Variants in TENM1 observed in about 807,000 individuals in gnomAD.
TENM1 encodes teneurin-1.
A neutral mutation model predicts 174.8 loss-of-function variants in TENM1; 35 were observed. That is an observed-to-expected ratio of 0.20 (90% confidence interval 0.15 to 0.27). The LOEUF is 0.27. TENM1 is among the 10% of genes least tolerant of loss of function. TENM1 has a pLI of 1.00. For synonymous variants in TENM1, 781 were observed against 798.7 expected, an observed-to-expected ratio of 0.98 and a Z score of 0.37; for missense variants, 1,633 against 2,130.1, an observed-to-expected ratio of 0.77 and a Z score of 4.59.
At chrX:125,102,247 T>C in the TENM1 span, among the ~76,000 whole-genome samples, 2 of 104,897 alleles carry the variant, frequency 1.9e-5, no homozygotes, top group Non-Finnish European at 3.9e-5. Flanking sequence ...TTTTTTTTTT[T>C]CCAGGAACAA....
chrX:124,753,845 G>A (rs1485460714), intron 3 of TENM1, among the ~76,000 whole-genome samples: 1 of 111,655 alleles, frequency 9.0e-6, no homozygotes, highest in Non-Finnish European at 1.9e-5. Flanking sequence ...AAGCCCACTT[G>A]ATCATGGTGG....
chrX:124,998,131 C>T, the TENM1 span, among the ~76,000 whole-genome samples: 1 of 107,809 alleles, frequency 9.3e-6, no homozygotes, highest in Admixed American at 1.0e-4. Context: ...AGGATTTCCC[C>T]TAAGTGTCTC....
At chrX:124,913,683 C>A (rs750916445) in intron 1 of TENM1, among the ~76,000 whole-genome samples, 2 of 111,726 alleles carry the variant, frequency 1.8e-5, no homozygotes, top group African/African-American at 6.5e-5. Context: ...ATAAAGACAA[C>A]AAAATTATGA....
chrX:124,409,502 T>C (rs1439410782), intron 25 of TENM1, among the ~76,000 whole-genome samples: 1 of 107,232 alleles, frequency 9.3e-6, no homozygotes, highest in East Asian at 2.9e-4. Context: ...CTATTCAACA[T>C]AGTGTTGGAA....
the TENM1 span, among the ~76,000 whole-genome samples, chrX:125,064,200 C>T: frequency 5.5e-5 from 6 of 110,045 alleles, no homozygotes; most frequent in Non-Finnish European, 1.1e-4. Context: ...AGGAGATACA[C>T]CTAATGTTAA....
At chrX:124,452,367 C>A (rs768285353) in intron 23 of TENM1, among the ~76,000 whole-genome samples, 4 of 111,907 alleles carry the variant, frequency 3.6e-5, no homozygotes, top group East Asian at 2.8e-4. Context: ...AAAGTCAGGA[C>A]ACAACAGGTG....
At chrX:125,048,684 G>T in the TENM1 span, among the ~76,000 whole-genome samples, 1 of 110,979 alleles carries the variant, frequency 9.0e-6, no homozygotes, top group Non-Finnish European at 1.9e-5. Flanking sequence ...GGTGATGGTT[G>T]CCAGTATCTA....
the TENM1 span, among the ~76,000 whole-genome samples, chrX:125,121,282 T>C: frequency 0.18 from 20,146 of 110,457 alleles, 1,474 homozygotes; most frequent in Admixed American, 0.32. Context: ...GGAACGAGGT[T>C]GGGATAAGGC....
chrX:124,509,601 C>T (rs923878722), intron 18 of TENM1, among the ~76,000 whole-genome samples: 13 of 110,651 alleles, frequency 1.2e-4, no homozygotes, highest in African/African-American at 4.3e-4. Context: ...AGCTGCTCTA[C>T]GTGCCAGGCA....
intron 3 of TENM1, among the ~76,000 whole-genome samples, chrX:124,758,279 T>C (rs1268519669): frequency 1.8e-5 from 2 of 112,059 alleles, no homozygotes; most frequent in Non-Finnish European, 1.9e-5. Context: ...AGAAGGTATA[T>C]GAAAAGATAC....
intron 14 of TENM1, 86 bp from the exon 18 acceptor site, chrX:124,547,176 T>A: frequency 1.4e-6 from 1 of 726,551 alleles, no homozygotes. Context: ...GAGAAAATTC[T>A]AAAATATAGC....
chrX:124,499,022 C>G (rs1396837476), intron 19 of TENM1, among the ~76,000 whole-genome samples: 1 of 111,786 alleles, frequency 8.9e-6, no homozygotes, highest in Non-Finnish European at 1.9e-5. Flanking sequence ...TGCTAAATAG[C>G]TCAAGTCAGC....
rs767370043 is a variant in TENM1, at chrX:124,910,952, C to A, written c.218-14711G>T. Among the ~76,000 whole-genome samples the A allele has an allele frequency of 3.7e-5, 4 of 108,655 alleles. No homozygotes were observed. The East Asian group carries it at 1.2e-3, about 31-fold the overall frequency. The allele number at this position is 108,655 out of a possible 115,157, so 94.4% of individuals were successfully genotyped here. A position where few individuals can be genotyped will look rare whatever the true frequency, so the allele number is the denominator to read the frequency against. ...TTTTTGAGACAGGGTCTTGCTCTGT[C>A]ACCCAGGCTTTGGAGTGCAGTGGTG... On this transcript the variant is annotated intron_variant, in intron 1 of 31. Coordinates refer to ENST00000422452, the Ensembl canonical transcript of TENM1.
the TENM1 span, among the ~76,000 whole-genome samples, chrX:125,020,103 G>A: frequency 9.0e-6 from 1 of 110,744 alleles, no homozygotes; most frequent in Non-Finnish European, 1.9e-5. Flanking sequence ...TCCTCAGGAA[G>A]GCCTTCTCCA....
chrX:124,894,731 C>T (rs1361121877), intron 2 of TENM1, among the ~76,000 whole-genome samples: 1 of 111,235 alleles, frequency 9.0e-6, no homozygotes, highest in Non-Finnish European at 1.9e-5. Context: ...TAAGAGATCA[C>T]CTACCACCCC....
chrX:124,944,237 C>T (rs1424638969), intron 1 of TENM1, among the ~76,000 whole-genome samples: 1 of 110,317 alleles, frequency 9.1e-6, no homozygotes, highest in Non-Finnish European at 1.9e-5. Flanking sequence ...TAGGGTTTAC[C>T]AGCTAATTTT....
At chrX:124,623,018 G>C (rs1021159957) in intron 11 of TENM1, among the ~76,000 whole-genome samples, 1 of 111,618 alleles carries the variant, frequency 9.0e-6, no homozygotes, top group African/African-American at 3.3e-5. Flanking sequence ...TGTTCAGTGT[G>C]CATATAACAT....
intron 4 of TENM1, among the ~76,000 whole-genome samples, chrX:124,710,903 G>A (rs1440738040): frequency 1.8e-5 from 2 of 112,153 alleles, no homozygotes; most frequent in East Asian, 2.8e-4. Context: ...TGTTTTCATA[G>A]TCCCTGAAAG....
intron 3 of TENM1, among the ~76,000 whole-genome samples, chrX:124,829,297 A>C (rs1478155141): frequency 8.9e-6 from 1 of 112,293 alleles, no homozygotes; most frequent in East Asian, 2.8e-4. Flanking sequence ...GATGTATCTA[A>C]AAAAAAGAGT....
Sources: allele counts gnomAD v4.1 joint callset (sites outside exome capture counted in the v4.1 genomes callset), GRCh38; gene constraint gnomAD v4.1.1; transcripts MANE v1.5; gene names NCBI Gene and HGNC (gene_info 2026-07-23, HGNC 2026-07-21).